Variants in STK10 observed in about 807,000 individuals in gnomAD.
The protein encoded by STK10 is serine/threonine-protein kinase 10.
A neutral mutation model predicts 113.8 loss-of-function variants in STK10; 78 were observed. The observed-to-expected ratio is 0.69, with a 90% CI of 0.57 to 0.83. The LOEUF is 0.83. Ranked by LOEUF, STK10 falls within the 40% of genes least tolerant of loss-of-function variation. The probability of loss-of-function intolerance (pLI) is 0.00; values close to 1 mark genes in which losing one functional copy is unlikely to be tolerated. For synonymous variants in STK10, 465 were observed against 494.7 expected (o/e 0.94, Z 0.80); for missense variants, 1,109 against 1,280.1 (o/e 0.87, Z 2.04).
At chr5:172,083,857 G>A (rs1282094531) in intron 10 of STK10, among the ~76,000 whole-genome samples, 4 of 148,886 alleles carry the variant, frequency 2.7e-5, no homozygotes, top group Non-Finnish European at 5.9e-5. Flanking sequence ...CCAGTGGGCC[G>A]AGATGACGCC....
chr5:172,050,573 A>C (rs1767606279), intron 18 of STK10, among the ~76,000 whole-genome samples: 1 of 152,206 alleles, frequency 6.6e-6, no homozygotes. Context: ...CACTCTCTTG[A>C]AAATGAACAA....
intron 7 of STK10, among the ~76,000 whole-genome samples, chr5:172,104,078 C>T (rs1037628516): frequency 6.6e-6 from 1 of 152,240 alleles, no homozygotes; most frequent in South Asian, 2.1e-4. Flanking sequence ...CAGTGCATGG[C>T]ACACAGTAGG....
intron 2 of STK10, among the ~76,000 whole-genome samples, chr5:172,148,172 TC>T (rs1181108396): frequency 6.6e-6 from 1 of 152,008 alleles, no homozygotes; most frequent in East Asian, 1.9e-4. Flanking sequence ...ATCCCCGACG[TC>T]CAGATGAGAA....
intron 2 of STK10, among the ~76,000 whole-genome samples, chr5:172,138,325 T>C (rs1769910926): frequency 6.6e-6 from 1 of 152,156 alleles, no homozygotes; most frequent in African/African-American, 2.4e-5. Flanking sequence ...GGTTTCACCA[T>C]ATTGGCCAGG....
chr5:172,070,252 A>G (rs1291180656), intron 12 of STK10, among the ~76,000 whole-genome samples: 1 of 149,382 alleles, frequency 6.7e-6, no homozygotes, highest in Non-Finnish European at 1.5e-5. Context: ...CCACCTCAAA[A>G]AAATATATAT....
At chr5:172,061,105 G>C (rs777360385) in intron 14 of STK10, 34 bp downstream of exon 14, 1 of 1,582,872 alleles carries the variant, frequency 6.3e-7, no homozygotes, top group Admixed American at 1.8e-5. Context: ...AGCGACTCTG[G>C]GCCAAGACAG....
At chr5:172,143,968 A>C (rs554780459) in intron 2 of STK10, among the ~76,000 whole-genome samples, 1 of 152,378 alleles carries the variant, frequency 6.6e-6, no homozygotes, top group Non-Finnish European at 1.5e-5. Flanking sequence ...ACGAAGCAGG[A>C]CAAAGGCAAG....
chr5:172,159,500 CCACTG>C (rs1770422980), intron 1 of STK10, among the ~76,000 whole-genome samples: 3 of 152,266 alleles, frequency 2.0e-5, no homozygotes, highest in Admixed American at 2.0e-4. Flanking sequence ...TGAGATCTTG[CCACTG>C]CACTCCAGCC....
At chr5:172,055,875 A>C in intron 15 of STK10, 99 bp from the exon 16 acceptor site, 2 of 1,021,566 alleles carry the variant, frequency 2.0e-6, no homozygotes, top group Non-Finnish European at 2.6e-6. Context: ...GGGGCCCAGG[A>C]CCAACGCAGC....
At chr5:172,105,790 G>GC in intron 6 of STK10, 53 bp from the exon 7 acceptor site, 1 of 1,524,784 alleles carries the variant, frequency 6.6e-7, no homozygotes, top group Non-Finnish European at 9.1e-7. Flanking sequence ...GCAGAGAGAA[G>GC]CCCCCCACGT....
intron 13 of STK10, chr5:172,064,324 T>C (rs914313744): frequency 6.3e-5 from 13 of 206,246 alleles, no homozygotes; most frequent in Admixed American, 2.1e-4. Flanking sequence ...CCTCAGAGCA[T>C]AACAGGACCA....
Position 172,044,660 on chromosome 5 carries a change from T to C in STK10, c.*222A>G. ...GGCTCAAGGAGAATATACATTAGGT[T>C]CAGGTGACAAATAATTACACCTCAC... On this transcript the variant is annotated 3_prime_UTR_variant, in exon 19 of 19. Transcript: ENST00000176763. This position sits in a 1 kb window ranked among gnomAD's most constrained non-coding sequence, Gnocchi z 4.5. 3.1e-6 allele frequency: 2 copies of C among 646,366 alleles called. No individual in the cohort carries two copies. The highest frequency in any genetic ancestry group is 5.3e-6 in the Non-Finnish European group (2 of 378,950). The allele number at this position is 646,366 out of a possible 1,614,324, so 40.0% of individuals were successfully genotyped here. A position where few individuals can be genotyped will look rare whatever the true frequency, so the allele number is the denominator to read the frequency against.
Position 172,162,957 on chromosome 5 carries a change from C to T in STK10, c.157-6169G>A, listed in dbSNP as rs546096161. On this transcript the variant is annotated intron_variant, in intron 1 of 18. Coordinates refer to ENST00000176763, the MANE Select transcript of STK10 (RefSeq NM_005990.4). ...CCAGTACCAGTGTCAACACAAGGCA[C>T]GCCCGCTACCCAGCACCTCACTCAG... 3.2e-4 allele frequency among the ~76,000 whole-genome samples: 49 copies of T among 152,312 alleles called. 1 individual carries two copies. Among genetic ancestry groups the T allele is most frequent in the African/African-American group, 1.1e-3 (45 of 41,566 alleles).
intron 2 of STK10, among the ~76,000 whole-genome samples, chr5:172,143,343 C>T (rs957443587): frequency 6.6e-5 from 10 of 151,976 alleles, no homozygotes; most frequent in African/African-American, 2.4e-4. Context: ...CCAGGCTAAG[C>T]AACACAGCAA....
intron 3 of STK10, among the ~76,000 whole-genome samples, chr5:172,122,811 G>A (rs1769541523): frequency 6.6e-6 from 1 of 152,166 alleles, no homozygotes; most frequent in South Asian, 2.1e-4. Context: ...TTTCAGTAGA[G>A]ACGAGGTTTC....
chr5:172,057,700 T>C (rs1019691630), intron 14 of STK10, among the ~76,000 whole-genome samples: 1 of 152,320 alleles, frequency 6.6e-6, no homozygotes, highest in South Asian at 2.1e-4. Flanking sequence ...GAGCATGGTA[T>C]AGCAGGAAGT....
chr5:172,186,576 C>G (rs888197129), intron 1 of STK10, among the ~76,000 whole-genome samples: 4 of 151,418 alleles, frequency 2.6e-5, no homozygotes, highest in African/African-American at 9.7e-5. Context: ...GAGCCGAGAT[C>G]GGGCCACTGC....
chr5:172,064,881 A>G (rs1168272443), intron 12 of STK10, 69 bp from the exon 13 acceptor site: 4 of 1,543,474 alleles, frequency 2.6e-6, no homozygotes, highest in Non-Finnish European at 1.8e-6. Context: ...ATAATCTTCA[A>G]CGCAGAACCC....
intron 3 of STK10, among the ~76,000 whole-genome samples, chr5:172,127,023 C>T (rs1001868481): frequency 2.4e-4 from 37 of 151,994 alleles, no homozygotes; most frequent in Admixed American, 3.9e-4. Flanking sequence ...AAAAACAAGC[C>T]GTGCGTGGTG....
Sources: allele counts gnomAD v4.1 joint callset (sites outside exome capture counted in the v4.1 genomes callset), GRCh38; gene constraint gnomAD v4.1.1; non-coding constraint Gnocchi (gnomAD v3.1); transcripts MANE v1.5; gene names NCBI Gene and HGNC (gene_info 2026-07-23, HGNC 2026-07-21).